The following GALNT17 variants were observed in gnomAD, a reference collection of about 807,000 sequenced individuals.
GALNT17 encodes UDP-GalNAc:polypeptide N-acetylgalactosaminyltransferase-like 3.
Under a neutral mutation model 63.7 loss-of-function variants are expected in GALNT17, and 29 were observed. The ratio of observed to expected loss-of-function variants is 0.46; its 90% CI spans 0.34 to 0.62. The LOEUF (loss-of-function observed/expected upper bound fraction) is 0.62, where lower values mean the gene tolerates loss of function less well. GALNT17 is among the 20% of genes least tolerant of loss of function. The pLI is 0.01. For synonymous variants in GALNT17, 305 were observed against 318.3 expected (o/e 0.96, Z 0.45); for missense variants, 603 against 799.6 (o/e 0.75, Z 2.97).
At chr7:71,632,977 G>A (rs772278617) in intron 6 of GALNT17, among the ~76,000 whole-genome samples, 4 of 151,560 alleles carry the variant, frequency 2.6e-5, no homozygotes, top group Admixed American at 6.6e-5. Context: ...GGTGGCACAC[G>A]CCTGTAATCC....
intron 1 of GALNT17, among the ~76,000 whole-genome samples, chr7:71,224,909 T>C (rs1183178593): frequency 6.6e-6 from 1 of 152,130 alleles, no homozygotes; most frequent in East Asian, 1.9e-4. Flanking sequence ...AAATACTCTA[T>C]TGTTGAAACC....
chr7:71,575,609 C>T (rs1030283178), intron 6 of GALNT17, among the ~76,000 whole-genome samples: 1 of 152,118 alleles, frequency 6.6e-6, no homozygotes, highest in Non-Finnish European at 1.5e-5. Flanking sequence ...AGGATGGTCT[C>T]GATCTCCTGA....
intron 9 of GALNT17, among the ~76,000 whole-genome samples, chr7:71,690,016 T>C (rs1189214526): frequency 1.5e-5 from 2 of 130,344 alleles, no homozygotes; most frequent in African/African-American, 5.9e-5. Context: ...GTTTACTGAA[T>C]ATCTTTTTTT....
chr7:71,676,542 G>C (rs1791153011), intron 8 of GALNT17, among the ~76,000 whole-genome samples: 1 of 151,914 alleles, frequency 6.6e-6, no homozygotes, highest in African/African-American at 2.4e-5. Flanking sequence ...TGCTACCATG[G>C]CTGGTTAATT....
At chr7:71,442,107 TAA>T (rs1306974364) in intron 5 of GALNT17, among the ~76,000 whole-genome samples, 1 of 152,198 alleles carries the variant, frequency 6.6e-6, no homozygotes, top group Admixed American at 6.5e-5. Context: ...ACCAACAATG[TAA>T]AAGTGTTCCT....
chr7:71,251,577 T>C (rs1790198420), intron 1 of GALNT17, among the ~76,000 whole-genome samples: 1 of 152,122 alleles, frequency 6.6e-6, no homozygotes, highest in African/African-American at 2.4e-5. Flanking sequence ...ACCTAGCTAA[T>C]TTAAAAATTT....
chr7:71,378,059 T>A (rs968747349), intron 2 of GALNT17, among the ~76,000 whole-genome samples: 1 of 152,222 alleles, frequency 6.6e-6, no homozygotes, highest in Non-Finnish European at 1.5e-5. Flanking sequence ...CCACAAAATA[T>A]CTCATGCTTT....
chr7:71,310,056 C>T (rs1222087763), intron 1 of GALNT17, among the ~76,000 whole-genome samples: 1 of 152,196 alleles, frequency 6.6e-6, no homozygotes, highest in African/African-American at 2.4e-5. Flanking sequence ...TCTTTGCCTG[C>T]CGCCATCTGT....
Position 71,484,299 on chromosome 7 carries a change from G to A in GALNT17, c.962+63194G>A, listed in dbSNP as rs568795847. On this transcript the variant is annotated intron_variant, in intron 5 of 10. Transcript: ENST00000333538. ...GGTCAGGAGTTCAAGACCAGCCTGG[G>A]CAACATGGCGAAACCTCGTCTCTAC... Among the ~76,000 whole-genome samples the A allele has an allele frequency of 1.3e-4, 20 of 152,150 alleles. No individual in the cohort carries two copies. The South Asian group carries it at 3.7e-3, about 28-fold the overall frequency.
At chr7:71,210,256 CT>C (rs1789351652) in intron 1 of GALNT17, among the ~76,000 whole-genome samples, 1 of 152,188 alleles carries the variant, frequency 6.6e-6, no homozygotes, top group South Asian at 2.1e-4. Flanking sequence ...TTATCTCCCC[CT>C]GGGTCCGTTT....
At chr7:71,591,330 A>G (rs1442082877) in intron 6 of GALNT17, among the ~76,000 whole-genome samples, 1 of 152,180 alleles carries the variant, frequency 6.6e-6, no homozygotes, top group Non-Finnish European at 1.5e-5. Flanking sequence ...TGCTGGGATT[A>G]CAGGCGTGAG....
At chr7:71,382,705 T>A (rs528191776) in intron 2 of GALNT17, among the ~76,000 whole-genome samples, 39 of 152,212 alleles carry the variant, frequency 2.6e-4, no homozygotes, top group Admixed American at 5.9e-4. Flanking sequence ...GACACCGCAA[T>A]CTGGTGTAAT....
intron 5 of GALNT17, among the ~76,000 whole-genome samples, chr7:71,509,689 A>T (rs78143605): frequency 3.2e-4 from 48 of 152,210 alleles, no homozygotes; most frequent in Middle Eastern, 6.8e-3. Flanking sequence ...CTGGGCATGC[A>T]ATTCCTTTGG....
intron 6 of GALNT17, among the ~76,000 whole-genome samples, chr7:71,645,755 G>A (rs17763663): frequency 0.066 from 10,099 of 152,154 alleles, 590 homozygotes; most frequent in East Asian, 0.24. Flanking sequence ...CCTGATCAAA[G>A]CCCTAATGTT....
chr7:71,458,290 C>T (rs1787389720), intron 5 of GALNT17, among the ~76,000 whole-genome samples: 1 of 152,182 alleles, frequency 6.6e-6, no homozygotes, highest in Non-Finnish European at 1.5e-5. Flanking sequence ...ACTTCTCTCA[C>T]CCCCCTTGCA....
At chr7:71,371,811 G>C (rs1278924649) in intron 2 of GALNT17, among the ~76,000 whole-genome samples, 1 of 152,160 alleles carries the variant, frequency 6.6e-6, no homozygotes, top group African/African-American at 2.4e-5. Flanking sequence ...AGATAGGAAA[G>C]GACCCCCAAC....
intron 2 of GALNT17, among the ~76,000 whole-genome samples, chr7:71,343,170 AG>A (rs1401605742): frequency 6.6e-6 from 1 of 152,216 alleles, no homozygotes; most frequent in East Asian, 1.9e-4. Context: ...TGCCTGTAGA[AG>A]CAACTTTGCT....
At chr7:71,208,623 C>T (rs546877082) in intron 1 of GALNT17, among the ~76,000 whole-genome samples, 18 of 151,346 alleles carry the variant, frequency 1.2e-4, no homozygotes, top group African/African-American at 2.9e-4. Context: ...GCCAATTTTT[C>T]GTATTTTTGG....
At chr7:71,452,249 A>C (rs938540183) in intron 5 of GALNT17, among the ~76,000 whole-genome samples, 1 of 151,954 alleles carries the variant, frequency 6.6e-6, no homozygotes, top group East Asian at 1.9e-4. Flanking sequence ...TTTAGAAAAA[A>C]AAAAAAGATT....
Sources: gnomAD v4.1 joint callset for allele counts (sites outside exome capture counted in the v4.1 genomes callset) on GRCh38, gnomAD v4.1.1 for gene constraint, MANE v1.5 for transcripts, NCBI Gene and HGNC (gene_info 2026-07-23, HGNC 2026-07-21) for gene names.